Variants in DSCAM observed in about 807,000 individuals in gnomAD.
The protein encoded by DSCAM is DS cell adhesion molecule, also known as cell adhesion molecule DSCAM.
A neutral mutation model predicts 217.7 loss-of-function variants in DSCAM; 47 were observed. The observed-to-expected ratio is 0.22, with a 90% CI of 0.17 to 0.28. The LOEUF (loss-of-function observed/expected upper bound fraction) is 0.28, where lower values mean the gene tolerates loss of function less well. Ranked by LOEUF, DSCAM falls within the 10% of genes least tolerant of loss-of-function variation. The probability of loss-of-function intolerance (pLI) is 1.00; values close to 1 mark genes in which losing one functional copy is unlikely to be tolerated. For synonymous variants in DSCAM, 1,056 were observed against 1,015.3 expected, an observed-to-expected ratio of 1.04 and a Z score of -0.76; for missense variants, 2,080 against 2,618.3, an observed-to-expected ratio of 0.79 and a Z score of 4.49.
intron 3 of DSCAM, among the ~76,000 whole-genome samples, chr21:40,468,184 T>C (rs1347821817): frequency 6.6e-6 from 1 of 152,172 alleles, no homozygotes; most frequent in Non-Finnish European, 1.5e-5. Flanking sequence ...AAATAAAGAT[T>C]CACTGAAATT....
At chr21:40,688,207 T>C (rs545052314) in intron 3 of DSCAM, among the ~76,000 whole-genome samples, 3 of 152,316 alleles carry the variant, frequency 2.0e-5, no homozygotes, top group East Asian at 3.9e-4. Flanking sequence ...ATTTTCCAAA[T>C]CCGGTTACCC....
chr21:40,787,873 T>C (rs1308014694), intron 1 of DSCAM, among the ~76,000 whole-genome samples: 1 of 152,150 alleles, frequency 6.6e-6, no homozygotes, highest in South Asian at 2.1e-4. Flanking sequence ...CCCAATTGTA[T>C]ACTGAGGAAA....
At chr21:40,822,565 A>AT (rs1367797882) in intron 1 of DSCAM, among the ~76,000 whole-genome samples, 4 of 152,100 alleles carry the variant, frequency 2.6e-5, no homozygotes, top group Non-Finnish European at 5.9e-5. Context: ...CAATGGACAT[A>AT]AAATAAGCAC....
intron 20 of DSCAM, among the ~76,000 whole-genome samples, chr21:40,120,993 T>C (rs2090026728): frequency 6.6e-6 from 1 of 152,208 alleles, no homozygotes; most frequent in African/African-American, 2.4e-5. Flanking sequence ...TGAGGGACTC[T>C]TATAAAAGGG....
At chr21:40,070,671 C>T (rs983916112) in intron 27 of DSCAM, among the ~76,000 whole-genome samples, 5 of 152,204 alleles carry the variant, frequency 3.3e-5, no homozygotes, top group African/African-American at 1.2e-4. Flanking sequence ...TTCCTGGATG[C>T]ACATTCCTGC....
chr21:40,231,502 C>T (rs926236867), intron 11 of DSCAM, among the ~76,000 whole-genome samples: 1 of 151,644 alleles, frequency 6.6e-6, no homozygotes, highest in Non-Finnish European at 1.5e-5. Flanking sequence ...CCAGGCTTTT[C>T]TTTTATTTCT....
intron 4 of DSCAM, among the ~76,000 whole-genome samples, chr21:40,358,534 C>T (rs919052347): frequency 1.3e-5 from 2 of 152,026 alleles, no homozygotes; most frequent in African/African-American, 4.8e-5. Flanking sequence ...TGGCCCAGTG[C>T]GGTGACTCAC....
At chr21:40,271,226 G>A (rs1274886561) in intron 11 of DSCAM, among the ~76,000 whole-genome samples, 1 of 152,144 alleles carries the variant, frequency 6.6e-6, no homozygotes, top group Admixed American at 6.5e-5. Context: ...TACATAGGCT[G>A]GACTAGAGCC....
At chr21:40,731,460 A>G (rs1381287744) in intron 1 of DSCAM, among the ~76,000 whole-genome samples, 1 of 152,134 alleles carries the variant, frequency 6.6e-6, no homozygotes, top group Non-Finnish European at 1.5e-5. Flanking sequence ...GGCTTCTGTA[A>G]CAAAATACCA....
Position 40,075,150 on chromosome 21 carries a change from C to T in DSCAM, c.4775G>A (p.Gly1592Glu). 6.2e-7 allele frequency: 1 copy of T among 1,614,216 alleles called. No homozygotes were observed. The highest frequency in any genetic ancestry group is 8.5e-7 in the Non-Finnish European group (1 of 1,180,040). Reference sequence around the variant, plus strand: ...GGAGATGGTCACCAGCATCTTGAGCCCCTCGTTGGTCGTCAGCCCTTCTTC... The same window carrying T: ...GGAGATGGTCACCAGCATCTTGAGCTCCTCGTTGGTCGTCAGCCCTTCTTC... Reference protein sequence around the residue: ...QNEEGLTTNEGLKMLVTISCI... With the variant: ...QNEEGLTTNEELKMLVTISCI... Residue 1592 changes from glycine to glutamate, a missense_variant, in exon 27 of 33, where the codon GGG (glycine) becomes GAG (glutamate). Physicochemically the swap from Gly to Glu is moderately conservative, Grantham distance 98. Around this residue, in one of 5 missense-constraint regions of DSCAM, gnomAD observed 1,144 missense variants for 1,421.1 expected, o/e 0.81. Transcript: ENST00000400454.
At chr21:40,694,437 G>A (rs2090574141) in intron 2 of DSCAM, among the ~76,000 whole-genome samples, 1 of 152,218 alleles carries the variant, frequency 6.6e-6, no homozygotes, top group Non-Finnish European at 1.5e-5. Context: ...CCAGTAGGCA[G>A]AGGTGAGCTC....
intron 3 of DSCAM, among the ~76,000 whole-genome samples, chr21:40,642,378 G>A (rs1482288976): frequency 6.6e-6 from 1 of 152,148 alleles, no homozygotes; most frequent in African/African-American, 2.4e-5. Context: ...GGGAGCAGCT[G>A]ATCTAGGTCA....
At chr21:40,309,124 T>C (rs1394649129) in intron 9 of DSCAM, among the ~76,000 whole-genome samples, 1 of 152,198 alleles carries the variant, frequency 6.6e-6, no homozygotes, top group African/African-American at 2.4e-5. Context: ...CCTTGCCCCA[T>C]GTCCATTTCC....
intron 3 of DSCAM, among the ~76,000 whole-genome samples, chr21:40,687,634 T>G (rs2090494783): frequency 6.6e-6 from 1 of 152,166 alleles, no homozygotes; most frequent in African/African-American, 2.4e-5. Flanking sequence ...GGCAGCCTTG[T>G]CTAATTTGGT....
chr21:40,577,613 C>T (rs1027171132), intron 3 of DSCAM, among the ~76,000 whole-genome samples: 4 of 152,128 alleles, frequency 2.6e-5, no homozygotes, highest in South Asian at 2.1e-4. Context: ...CTTTATTAGC[C>T]GGCGACGAGA....
At chr21:40,262,051 C>CTTTCTTTCTT (rs2073460384) in intron 11 of DSCAM, among the ~76,000 whole-genome samples, 1 of 152,066 alleles carries the variant, frequency 6.6e-6, no homozygotes, top group African/African-American at 2.4e-5. Context: ...CTCTCCCTCT[C>CTTTCTTTCTT]GCTTTCTTTC....
intron 1 of DSCAM, among the ~76,000 whole-genome samples, chr21:40,761,906 A>ACTGT: frequency 6.6e-6 from 1 of 152,292 alleles, no homozygotes; most frequent in Non-Finnish European, 1.5e-5. Flanking sequence ...AGTTCTTTGA[A>ACTGT]ACCCATGAGA....
intron 1 of DSCAM, among the ~76,000 whole-genome samples, chr21:40,761,818 G>A (rs769824594): frequency 1.3e-5 from 2 of 152,092 alleles, no homozygotes; most frequent in Admixed American, 6.6e-5. Context: ...CATCAAAACC[G>A]CACAACTACA....
chr21:40,404,281 G>A (rs2075262762), intron 3 of DSCAM, among the ~76,000 whole-genome samples: 1 of 152,190 alleles, frequency 6.6e-6, no homozygotes, highest in African/African-American at 2.4e-5. Context: ...AAATAGCAAA[G>A]TGAAACAGTT....
Sources: allele counts gnomAD v4.1 joint callset (sites outside exome capture counted in the v4.1 genomes callset), GRCh38; gene constraint gnomAD v4.1.1; regional missense constraint gnomAD v4.1.1; transcripts MANE v1.5; gene names NCBI Gene and HGNC (gene_info 2026-07-23, HGNC 2026-07-21).